SLC25A20: variants seen among roughly 807,000 people sequenced by gnomAD.
SLC25A20 encodes solute carrier family 25 member 20, also known as mitochondrial carnitine/acylcarnitine carrier protein.
A neutral mutation model predicts 39.7 loss-of-function variants in SLC25A20; 29 were observed. The observed-to-expected ratio is 0.73, with a 90% confidence interval of 0.54 to 1.00. The LOEUF is 1.00. Among genes scored for constraint, SLC25A20 ranks in the 50% least tolerant of loss-of-function variants. The pLI is 0.00. For missense variants in SLC25A20, 333 were observed against 379.9 expected (o/e 0.88, Z 1.03); for synonymous variants, 103 against 142.2 (o/e 0.72, Z 1.96).
chr3:48,869,376 G>A (rs542234626), intron 4 of SLC25A20, among the ~76,000 whole-genome samples: 51 of 152,180 alleles, frequency 3.4e-4, no homozygotes, highest in Non-Finnish European at 6.2e-4. Context: ...GGCTGGGCAC[G>A]GTGGCTCACA....
chr3:48,857,968 CTTTTTTT>C lies in SLC25A20; in HGVS notation c.844-203_844-197del, dbSNP rs755739220. 2.1e-3 allele frequency among the ~76,000 whole-genome samples: 292 copies of C among 138,280 alleles called. 2 individuals carry two copies. Among genetic ancestry groups the C allele is most frequent in the Middle Eastern group, 0.018 (5 of 272 alleles). 90.7% of individuals were successfully genotyped at this position (138,280 alleles called of 152,430 possible). A position where few individuals can be genotyped will look rare whatever the true frequency, so the allele number is the denominator to read the frequency against. ...ATTTATATTCCACAACTGCCCACTT[CTTTTTTT>C]TTTTTTTTTGAGATGGAGTTTTGCT... is the stretch of plus-strand genomic sequence containing the variant. On this transcript the variant is annotated intron_variant, in intron 8 of 8. Coordinates refer to ENST00000319017, the MANE Select transcript of SLC25A20 (RefSeq NM_000387.6).
At chr3:48,869,647 A>G (rs2083699316) in intron 4 of SLC25A20, among the ~76,000 whole-genome samples, 1 of 152,134 alleles carries the variant, frequency 6.6e-6, no homozygotes, top group African/African-American at 2.4e-5. Flanking sequence ...CAATTAAGCA[A>G]GACCCCATTT....
rs181919008 is a variant in SLC25A20 at position 48,891,704 on chromosome 3, A to G, written c.198+276T>C. On this transcript the variant is annotated intron_variant, in intron 2 of 8. Transcript: ENST00000319017. ...ACATTTTCTTCCATTTCACATCTCA[A>G]TTATTACTCACTAGTTCTCCGTCGT... Among the ~76,000 whole-genome samples the G allele has an allele frequency of 1.6e-3, 248 of 152,196 alleles. 1 individual carries two copies. Among genetic ancestry groups the G allele is most frequent in the African/African-American group, 5.6e-3 (234 of 41,536 alleles).
chr3:48,860,787 CA>C (rs1274348007), intron 5 of SLC25A20, among the ~76,000 whole-genome samples: 10 of 118,932 alleles, frequency 8.4e-5, no homozygotes, highest in East Asian at 2.3e-4. Context: ...GACTCTGTCT[CA>C]AAAAAAAAAG....
rs140232483 is a variant in SLC25A20, at chr3:48,860,074, G to A, written c.536-447C>T. ...TCCCAGCACTTCGGGAGGCCGAGGC[G>A]GGCGGATCACAAGGTCAGGAGTTTG... On this transcript the variant is annotated intron_variant, in intron 5 of 8. Transcript: ENST00000319017. Among the ~76,000 whole-genome samples, 213 of 152,170 alleles carry A rather than the reference G, an allele frequency of 1.4e-3. 7 individuals are homozygous for A. In the East Asian group the frequency reaches 0.039, roughly 28 times the overall value.
chr3:48,877,378 G>A (rs913198749), intron 4 of SLC25A20, among the ~76,000 whole-genome samples: 5 of 147,996 alleles, frequency 3.4e-5, no homozygotes, highest in African/African-American at 5.0e-5. Context: ...GTGCAATGGC[G>A]CCACTGCACT....
At chr3:48,882,397 C>G (rs2083801358) in intron 3 of SLC25A20, among the ~76,000 whole-genome samples, 1 of 152,210 alleles carries the variant, frequency 6.6e-6, no homozygotes, top group Non-Finnish European at 1.5e-5. Context: ...TTGGAACCTT[C>G]TCTTCTCTCA....
intron 4 of SLC25A20, among the ~76,000 whole-genome samples, chr3:48,871,628 A>ATGG (rs1171368903): frequency 1.1e-4 from 17 of 151,952 alleles, no homozygotes; most frequent in Non-Finnish European, 1.5e-5. Flanking sequence ...TTAGCCGGGC[A>ATGG]TGGTGGCGCG....
intron 2 of SLC25A20, among the ~76,000 whole-genome samples, chr3:48,888,550 C>G (rs1340448040): frequency 1.3e-5 from 2 of 150,442 alleles, no homozygotes; most frequent in Non-Finnish European, 2.9e-5. Flanking sequence ...GCCTGGGCAA[C>G]TGAACAAGAC....
chr3:48,893,514 T>C (rs1173077910), intron 1 of SLC25A20, among the ~76,000 whole-genome samples: 3 of 151,908 alleles, frequency 2.0e-5, no homozygotes, highest in Admixed American at 1.3e-4. Context: ...TCAGCTTGGG[T>C]AAAAGAGCAA....
intron 2 of SLC25A20, among the ~76,000 whole-genome samples, chr3:48,888,395 C>T (rs2083848428): frequency 6.7e-6 from 1 of 148,842 alleles, no homozygotes; most frequent in African/African-American, 2.5e-5. Flanking sequence ...CATGGTAAAA[C>T]CCCATTTCTA....
intron 4 of SLC25A20, among the ~76,000 whole-genome samples, chr3:48,878,731 TG>T (rs1422839471): frequency 7.2e-6 from 1 of 139,308 alleles, no homozygotes; most frequent in Non-Finnish European, 1.5e-5. Context: ...ATCCGGGAGG[TG>T]GAGGTTGCAG....
At chr3:48,890,237 A>C (rs1366026234) in intron 2 of SLC25A20, among the ~76,000 whole-genome samples, 4 of 152,146 alleles carry the variant, frequency 2.6e-5, no homozygotes, top group Admixed American at 2.0e-4. Context: ...CCCAGGCTGG[A>C]GTGCAGTGGC....
At chr3:48,881,204 A>G (rs2083792941) in intron 3 of SLC25A20, among the ~76,000 whole-genome samples, 1 of 152,186 alleles carries the variant, frequency 6.6e-6, no homozygotes, top group Admixed American at 6.6e-5. Flanking sequence ...CCTCAGGCAC[A>G]CAGCCAAGCT....
chr3:48,887,012 C>A (rs1046263106), intron 2 of SLC25A20, among the ~76,000 whole-genome samples: 9 of 152,130 alleles, frequency 5.9e-5, no homozygotes, highest in African/African-American at 2.2e-4. Flanking sequence ...CAGCATTCCT[C>A]CTAATTCCTG....
intron 1 of SLC25A20, among the ~76,000 whole-genome samples, chr3:48,893,988 C>T (rs1208829826): frequency 6.6e-6 from 1 of 151,454 alleles, no homozygotes; most frequent in Non-Finnish European, 1.5e-5. Flanking sequence ...TGGCAAAACC[C>T]TGTCTCCACT....
chr3:48,896,174 CTTG>C (rs1225724857), intron 1 of SLC25A20, among the ~76,000 whole-genome samples: 1 of 151,328 alleles, frequency 6.6e-6, no homozygotes, highest in East Asian at 1.9e-4. Flanking sequence ...TGACTAATAC[CTTG>C]TTGTGATTTT....
intron 3 of SLC25A20, among the ~76,000 whole-genome samples, chr3:48,879,850 G>A (rs1411566661): frequency 6.6e-6 from 1 of 152,078 alleles, no homozygotes; most frequent in East Asian, 1.9e-4. Context: ...GGTTTTTGTG[G>A]GGGAAGTCTC....
intron 4 of SLC25A20, among the ~76,000 whole-genome samples, chr3:48,869,577 C>T (rs929327384): frequency 2.6e-5 from 4 of 152,070 alleles, no homozygotes; most frequent in African/African-American, 7.2e-5. Flanking sequence ...ATAATCCTAG[C>T]GTTCTGGGAG....
Sources: allele counts gnomAD v4.1 joint callset (sites outside exome capture counted in the v4.1 genomes callset), GRCh38; gene constraint gnomAD v4.1.1; transcripts MANE v1.5; gene names NCBI Gene and HGNC (gene_info 2026-07-23, HGNC 2026-07-21).